ATF1: variants seen among roughly 807,000 people sequenced by gnomAD.
The protein encoded by ATF1 is activating transcription factor 1.
In ATF1, 16 loss-of-function variants were observed where a neutral mutation model predicts 34.7. That is an observed-to-expected ratio of 0.46 (90% confidence interval 0.31 to 0.70). The LOEUF is 0.70. Among genes scored for constraint, ATF1 ranks in the 30% least tolerant of loss-of-function variants. The pLI is 0.05. For synonymous variants in ATF1, 105 were observed against 113.1 expected, an observed-to-expected ratio of 0.93 and a Z score of 0.46; for missense variants, 255 against 321.6, an observed-to-expected ratio of 0.79 and a Z score of 1.58.
chr12:50,812,477 T>A (rs1941757385), intron 4 of ATF1, among the ~76,000 whole-genome samples: 1 of 152,184 alleles, frequency 6.6e-6, no homozygotes, highest in South Asian at 2.1e-4. Context: ...TGTATGTGTA[T>A]ATATGTATAT....
intron 1 of ATF1, among the ~76,000 whole-genome samples, chr12:50,767,827 A>G (rs1293803611): frequency 6.6e-6 from 1 of 152,160 alleles, no homozygotes; most frequent in Non-Finnish European, 1.5e-5. Context: ...GGGAAGGTCA[A>G]CAGAGACTGC....
chr12:50,800,504 G>T (rs979850096), intron 3 of ATF1, among the ~76,000 whole-genome samples: 3 of 152,178 alleles, frequency 2.0e-5, no homozygotes, highest in Non-Finnish European at 4.4e-5. Flanking sequence ...ATTGGTACCT[G>T]TCTGTGGCCT....
chr12:50,796,609 G>A (rs901235775), intron 3 of ATF1, among the ~76,000 whole-genome samples: 15 of 151,828 alleles, frequency 9.9e-5, no homozygotes, highest in African/African-American at 3.6e-4. Flanking sequence ...GCTGAGGCAG[G>A]AGAATCACTT....
chr12:50,810,973 G>T (rs1285575271), intron 4 of ATF1, among the ~76,000 whole-genome samples: 7 of 151,958 alleles, frequency 4.6e-5, no homozygotes, highest in Non-Finnish European at 8.8e-5. Context: ...ATAAAATCCG[G>T]ATCTTACAAG....
intron 2 of ATF1, among the ~76,000 whole-genome samples, chr12:50,794,925 A>T (rs927399828): frequency 5.3e-5 from 8 of 152,116 alleles, no homozygotes; most frequent in Admixed American, 1.3e-4. Flanking sequence ...TCTCAAAAAT[A>T]AAAAAATTAA....
At chr12:50,817,763 A>T (rs1180020799) in intron 6 of ATF1, among the ~76,000 whole-genome samples, 1 of 152,204 alleles carries the variant, frequency 6.6e-6, no homozygotes, top group African/African-American at 2.4e-5. Flanking sequence ...ATAAAGATTT[A>T]TTTCTGTAAA....
At chr12:50,808,843 G>A (rs924000785) in intron 3 of ATF1, among the ~76,000 whole-genome samples, 24 of 150,484 alleles carry the variant, frequency 1.6e-4, no homozygotes, top group Admixed American at 8.6e-4. Flanking sequence ...GAATTCAAGC[G>A]ATCCTCCTGC....
intron 2 of ATF1, 142 bp downstream of exon 2, chr12:50,780,380 A>G (rs1229565766): frequency 2.8e-5 from 19 of 681,134 alleles, no homozygotes; most frequent in Middle Eastern, 3.7e-4. Context: ...TTTTTGCTCT[A>G]GTTGCCCAGG....
At chr12:50,786,770 C>T (rs1941193925) in intron 2 of ATF1, among the ~76,000 whole-genome samples, 1 of 152,174 alleles carries the variant, frequency 6.6e-6, no homozygotes, top group African/African-American at 2.4e-5. Context: ...AACCCAGGGA[C>T]ATAGGGCCTA....
At chr12:50,788,217 C>G (rs1281641414) in intron 2 of ATF1, 1 of 451,340 alleles carries the variant, frequency 2.2e-6, no homozygotes, top group Non-Finnish European at 4.4e-6. Context: ...GGGTCTCACT[C>G]TGTCACCCAG....
intron 2 of ATF1, among the ~76,000 whole-genome samples, chr12:50,784,160 CA>C (rs753458379): frequency 3.2e-4 from 43 of 134,330 alleles, no homozygotes; most frequent in East Asian, 4.3e-4. Context: ...GATCCTGTCT[CA>C]AAAAAAAAAA....
chr12:50,779,748 G>A (rs1941013455), intron 1 of ATF1, among the ~76,000 whole-genome samples: 1 of 151,828 alleles, frequency 6.6e-6, no homozygotes, highest in Non-Finnish European at 1.5e-5. Flanking sequence ...AACCTCCTTA[G>A]GTATAGTTTT....
At chr12:50,781,553 C>T (rs1326436901) in intron 2 of ATF1, among the ~76,000 whole-genome samples, 3 of 151,932 alleles carry the variant, frequency 2.0e-5, no homozygotes, top group East Asian at 1.9e-4. Flanking sequence ...CGGGTTCAAA[C>T]GATTCTCCTG....
At chr12:50,801,677 A>G (rs116055886) in intron 3 of ATF1, among the ~76,000 whole-genome samples, 1,609 of 152,368 alleles carry the variant, frequency 0.011, 30 homozygotes, top group African/African-American at 0.037. Context: ...TTGAAAATCA[A>G]TTAATGTAAT....
chr12:50,794,376 C>A (rs2139669279), intron 2 of ATF1, among the ~76,000 whole-genome samples: 1 of 150,700 alleles, frequency 6.6e-6, no homozygotes, highest in African/African-American at 2.4e-5. Flanking sequence ...ACCAGCCTGA[C>A]CAACATGGTG....
At chr12:50,774,549 G>A (rs1318547076) in intron 1 of ATF1, among the ~76,000 whole-genome samples, 2 of 151,918 alleles carry the variant, frequency 1.3e-5, no homozygotes, top group African/African-American at 2.4e-5. Context: ...AAATGCATTC[G>A]TACATATAAA....
intron 3 of ATF1, among the ~76,000 whole-genome samples, chr12:50,797,948 C>T (rs60692586): frequency 6.6e-6 from 1 of 151,858 alleles, no homozygotes; most frequent in East Asian, 2.0e-4. Context: ...GAGGCCGAGG[C>T]GGGTGGATCA....
chr12:50,813,063 C>T (rs917968979), intron 4 of ATF1, among the ~76,000 whole-genome samples: 1 of 152,108 alleles, frequency 6.6e-6, no homozygotes, highest in Non-Finnish European at 1.5e-5. Context: ...GCATTCGATT[C>T]TGAAGAGTAT....
chr12:50,769,094 T>G (rs988912228), intron 1 of ATF1, among the ~76,000 whole-genome samples: 2 of 152,230 alleles, frequency 1.3e-5, no homozygotes, highest in African/African-American at 4.8e-5. Flanking sequence ...TAACTGAGAC[T>G]ATTGAAGAGA....
Sources: gnomAD v4.1 joint callset for allele counts (sites outside exome capture counted in the v4.1 genomes callset) on GRCh38, gnomAD v4.1.1 for gene constraint, MANE v1.5 for transcripts, NCBI Gene and HGNC (gene_info 2026-07-23, HGNC 2026-07-21) for gene names.